Variants in QSOX1 observed in about 807,000 individuals in gnomAD.
QSOX1 encodes the protein quiescin sulfhydryl oxidase 1.
In QSOX1, 40 loss-of-function variants were observed where a neutral mutation model predicts 76.1. That is an observed-to-expected ratio of 0.53 (90% CI 0.41 to 0.68). QSOX1 has a LOEUF of 0.68. QSOX1 is among the 30% of genes least tolerant of loss of function. QSOX1 has a pLI of 0.00. For missense variants in QSOX1, 931 were observed against 974.3 expected (o/e 0.96, Z 0.59); for synonymous variants, 392 against 413.1 (o/e 0.95, Z 0.62).
At chr1:180,161,396 C>G (rs1268942425) in intron 1 of QSOX1, among the ~76,000 whole-genome samples, 2 of 152,160 alleles carry the variant, frequency 1.3e-5, no homozygotes, top group African/African-American at 2.4e-5. Flanking sequence ...TCAGATTTCA[C>G]CTGCAGTACC....
Position 180,199,801 on chromosome 1 carries a change from G to A in QSOX1, c.*2764G>A, listed in dbSNP as rs916341659. The A allele has an allele frequency of 6.6e-6, 1 of 151,710 alleles. No individual in the cohort carries two copies. Among genetic ancestry groups the A allele is most frequent in the Non-Finnish European group, 1.5e-5 (1 of 67,970 alleles). The allele number at this position is 151,710 out of a possible 1,614,324, so 9.4% of individuals were successfully genotyped here. Reference sequence around the variant, plus strand: ...TGGGAAGCCAGGAAGTGGGAGGGGTGGGGGTCCAGGCTGGAGGGGCCCAAT... The same window carrying A: ...TGGGAAGCCAGGAAGTGGGAGGGGTAGGGGTCCAGGCTGGAGGGGCCCAAT... On this transcript the variant is annotated 3_prime_UTR_variant, in exon 12 of 12. Transcript: ENST00000367602.
At chr1:180,174,744 G>T (rs1572044259) in intron 2 of QSOX1, among the ~76,000 whole-genome samples, 1 of 152,290 alleles carries the variant, frequency 6.6e-6, no homozygotes, top group East Asian at 1.9e-4. Flanking sequence ...GAAAGTGTAT[G>T]AACTGCTGCC....
chr1:180,181,212 G>A (rs1419726983), intron 5 of QSOX1, among the ~76,000 whole-genome samples: 4 of 151,878 alleles, frequency 2.6e-5, no homozygotes, highest in East Asian at 1.9e-4. Context: ...TTTCTGATTC[G>A]GAGTCTAGAT....
chr1:180,193,107 A>G (rs932670721), intron 10 of QSOX1, among the ~76,000 whole-genome samples: 1 of 152,040 alleles, frequency 6.6e-6, no homozygotes, highest in Non-Finnish European at 1.5e-5. Context: ...AAGATTCTGG[A>G]GATAATGAGC....
At chr1:180,192,734 A>G (rs1215354052) in intron 10 of QSOX1, among the ~76,000 whole-genome samples, 1 of 152,036 alleles carries the variant, frequency 6.6e-6, no homozygotes, top group East Asian at 1.9e-4. Context: ...CTCCCAATGG[A>G]GGTGTGCACA....
At chr1:180,163,827 A>G (rs1662548715) in intron 1 of QSOX1, among the ~76,000 whole-genome samples, 1 of 152,340 alleles carries the variant, frequency 6.6e-6, no homozygotes, top group Admixed American at 6.5e-5. Context: ...ACAGAAAGAA[A>G]AGATCATTTG....
chr1:180,168,939 C>G (rs748171775), intron 2 of QSOX1, among the ~76,000 whole-genome samples: 1 of 152,192 alleles, frequency 6.6e-6, no homozygotes, highest in East Asian at 1.9e-4. Flanking sequence ...AGGGCCCATG[C>G]GAAGCAGGGG....
chr1:180,163,167 C>T (rs934148403), intron 1 of QSOX1, among the ~76,000 whole-genome samples: 1 of 151,830 alleles, frequency 6.6e-6, no homozygotes, highest in Non-Finnish European at 1.5e-5. Context: ...ATAAGTTAGC[C>T]CATTCGACCA....
rs1199 is a variant in QSOX1, at chr1:180,197,915, C to T, written c.*878C>T. The T allele has an allele frequency of 1.7e-3, 556 of 321,734 alleles. 2 individuals are homozygous for T. The highest frequency in any genetic ancestry group is 1.8e-3 in the Non-Finnish European group (296 of 161,764). The allele number at this position is 321,734 out of a possible 1,614,324, so 19.9% of individuals were successfully genotyped here. ...GGGAGTGTCTTCTCTCTCCAGGTTT[C>T]ACCTTCCAGTGTGCAGAAGTTAGAA... is the stretch of plus-strand genomic sequence containing the variant. On this transcript the variant is annotated 3_prime_UTR_variant, in exon 12 of 12. Transcript: ENST00000367602.
At position 180,194,999 on chromosome 1, in the gene QSOX1, G is replaced by GGGA. The variant is rs1553275529; in HGVS notation, c.1468+609_1468+610insAGG. 2.7e-5 allele frequency among the ~76,000 whole-genome samples: 4 copies of GGGA among 150,428 alleles called. 1 individual carries two copies. The East Asian group carries it at 5.9e-4, about 22-fold the overall frequency. Reference sequence around the variant, plus strand: ...GCACGTGGCTGTGACAGCCTCCCGGGGGGGGGAGACCAGGGCGGAGCCGAG... The same window carrying GGGA: ...GCACGTGGCTGTGACAGCCTCCCGGGGGAGGGGGGAGACCAGGGCGGAGCCGAG... On this transcript the variant is annotated intron_variant, in intron 11 of 11. Coordinates refer to ENST00000367602, the MANE Select transcript of QSOX1 (RefSeq NM_002826.5).
In QSOX1 at chr1:180,199,526, G is replaced by C. The variant is rs1663585960; in HGVS notation, c.*2489G>C. On this transcript the variant is annotated 3_prime_UTR_variant, in exon 12 of 12. Transcript: ENST00000367602. ...GTTAGCAAGGAAATAAGGAGGAACGGGGGTTACGGGCAGAGGAGAAAGCAC... is the reference window on the plus strand; with the variant it reads ...GTTAGCAAGGAAATAAGGAGGAACGCGGGTTACGGGCAGAGGAGAAAGCAC... 6.6e-6 allele frequency: 1 copy of C among 152,186 alleles called. No homozygotes were observed. Among genetic ancestry groups the C allele is most frequent in the South Asian group, 2.1e-4 (1 of 4,832 alleles). 9.4% of individuals were successfully genotyped at this position (152,186 alleles called of 1,614,324 possible). A position where few individuals can be genotyped will look rare whatever the true frequency, so the allele number is the denominator to read the frequency against.
Position 180,199,593 on chromosome 1 carries a change from A to T in QSOX1, c.*2556A>T, listed in dbSNP as rs1046569200. 13 of 152,152 alleles carry T rather than the reference A, an allele frequency of 8.5e-5. No homozygotes were observed. The highest frequency in any genetic ancestry group is 3.1e-4 in the African/African-American group (13 of 41,414). The allele number at this position is 152,152 out of a possible 1,614,324, so 9.4% of individuals were successfully genotyped here. A position where few individuals can be genotyped will look rare whatever the true frequency, so the allele number is the denominator to read the frequency against. On this transcript the variant is annotated 3_prime_UTR_variant, in exon 12 of 12. Coordinates refer to ENST00000367602, the MANE Select transcript of QSOX1 (RefSeq NM_002826.5). Reference sequence around the variant, plus strand: ...GAAAAGTAGAATTCGAAAACTTTTTAAAAATATTACTAAGGATTTTCACAA... The same window carrying T: ...GAAAAGTAGAATTCGAAAACTTTTTTAAAATATTACTAAGGATTTTCACAA...
Position 180,198,267 on chromosome 1 carries a change from G to A in QSOX1, c.*1230G>A. 2.2e-6 allele frequency: 1 copy of A among 456,528 alleles called. No individual in the cohort carries two copies. Among genetic ancestry groups the A allele is most frequent in the South Asian group, 1.5e-5 (1 of 64,562 alleles). 28.3% of individuals were successfully genotyped at this position (456,528 alleles called of 1,614,324 possible). The stretch of plus-strand genomic sequence containing the variant: ...GCCACCCCCTGCCCCAATCCTCCCT[G>A]AGAGCTCCTGCCTCAGTGCCCTGGG... On this transcript the variant is annotated 3_prime_UTR_variant, in exon 12 of 12. Transcript: ENST00000367602.
At position 180,196,999 on chromosome 1, in the gene QSOX1, A is replaced by G; in HGVS notation, c.2206A>G (p.Arg736Gly). Reference protein sequence around the residue: ...AMYTYFQAKIRALKGHAGHPA... With the variant: ...AMYTYFQAKIGALKGHAGHPA... ...GTACACCTACTTCCAGGCCAAGATA[A>G]GGGCCCTGAAGGGCCATGCTGGCCA... Residue 736 changes from arginine to glycine, a missense_variant, in exon 12 of 12, where the codon AGG (arginine) becomes GGG (glycine). Arg to Gly is a moderately radical substitution (Grantham distance 125). Coordinates refer to ENST00000367602, the MANE Select transcript of QSOX1 (RefSeq NM_002826.5). This position sits in a 1 kb window ranked among gnomAD's most constrained non-coding sequence, Gnocchi z 4.1. 6.2e-6 allele frequency: 10 copies of G among 1,611,896 alleles called. No individual in the cohort carries two copies. Among genetic ancestry groups the G allele is most frequent in the Non-Finnish European group, 8.5e-6 (10 of 1,178,902 alleles).
At chr1:180,189,071 A>C (rs1350978703) in intron 8 of QSOX1, among the ~76,000 whole-genome samples, 1 of 152,172 alleles carries the variant, frequency 6.6e-6, no homozygotes, top group Admixed American at 6.5e-5. Flanking sequence ...CAGCCCATGG[A>C]ATCCAAATGA....
In QSOX1 at chr1:180,171,652, C is replaced by T. The variant is rs189189045; in HGVS notation, c.367-3669C>T. On this transcript the variant is annotated intron_variant, in intron 2 of 11. Coordinates refer to ENST00000367602, the MANE Select transcript of QSOX1 (RefSeq NM_002826.5). ...GCAAGATTGAGCAACTTCTTTGTGACAGTGCCTTCAACAGCTTTTTAAACA... is the reference window on the plus strand; with the variant it reads ...GCAAGATTGAGCAACTTCTTTGTGATAGTGCCTTCAACAGCTTTTTAAACA... Among the ~76,000 whole-genome samples the T allele has an allele frequency of 4.1e-4, 62 of 152,336 alleles. 1 individual carries two copies. The highest frequency in any genetic ancestry group is 1.0e-4 in the Non-Finnish European group (7 of 68,042).
intron 7 of QSOX1, among the ~76,000 whole-genome samples, chr1:180,185,670 T>G (rs1663153104): frequency 6.6e-6 from 1 of 152,092 alleles, no homozygotes; most frequent in Non-Finnish European, 1.5e-5. Context: ...TCTGATTATG[T>G]CTAGTGGTCT....
chr1:180,157,110 C>T (rs1438395380), intron 1 of QSOX1, among the ~76,000 whole-genome samples: 1 of 152,218 alleles, frequency 6.6e-6, no homozygotes. Flanking sequence ...TGGAGCCTTT[C>T]TCTAAAATAA....
chr1:180,166,625 G>A, intron 2 of QSOX1, 34 bp downstream of exon 2: 1 of 1,551,396 alleles, frequency 6.4e-7, no homozygotes, highest in Non-Finnish European at 8.9e-7. Context: ...GGCAGGCTGG[G>A]CCTGCTTTGT....
Sources: allele counts gnomAD v4.1 joint callset (sites outside exome capture counted in the v4.1 genomes callset), GRCh38; gene constraint gnomAD v4.1.1; non-coding constraint Gnocchi (gnomAD v3.1); transcripts MANE v1.5; gene names NCBI Gene and HGNC (gene_info 2026-07-23, HGNC 2026-07-21).